The following ABL2 variants were observed in gnomAD, a reference collection of about 807,000 sequenced individuals.
ABL2 encodes the protein tyrosine-protein kinase ABL2.
A neutral mutation model predicts 107.7 loss-of-function variants in ABL2; 49 were observed. The observed-to-expected ratio is 0.45, with a 90% CI of 0.36 to 0.58. The LOEUF is 0.58. ABL2 is among the 20% of genes least tolerant of loss of function. The pLI, the probability that ABL2 is intolerant of heterozygous loss-of-function variation, is 0.00. For synonymous variants in ABL2, 549 were observed against 548.6 expected (o/e 1.00, Z -0.01); for missense variants, 1,245 against 1,457.0 (o/e 0.85, Z 2.37).
At chr1:179,112,916 G>A (rs922193444) in intron 9 of ABL2, among the ~76,000 whole-genome samples, 7 of 152,152 alleles carry the variant, frequency 4.6e-5, no homozygotes, top group South Asian at 4.1e-4. Context: ...CACCACGTCC[G>A]GCTAATTTTT....
intron 11 of ABL2, among the ~76,000 whole-genome samples, chr1:179,109,642 T>C (rs962148533): frequency 8.6e-5 from 13 of 151,230 alleles, no homozygotes; most frequent in Admixed American, 3.3e-4. Flanking sequence ...TGGGGGAAGA[T>C]AGGGGGCCGG....
chr1:179,159,509 GATAC>G (rs1156638704), intron 1 of ABL2, among the ~76,000 whole-genome samples: 1 of 152,192 alleles, frequency 6.6e-6, no homozygotes, highest in African/African-American at 2.4e-5. Flanking sequence ...GAATTTAAGA[GATAC>G]ATCTGTTTAA....
chr1:179,193,421 T>C (rs1435730898), intron 1 of ABL2, among the ~76,000 whole-genome samples: 1 of 152,150 alleles, frequency 6.6e-6, no homozygotes, highest in African/African-American at 2.4e-5. Flanking sequence ...GTTTCTTTTT[T>C]GAGACAGAGT....
intron 1 of ABL2, among the ~76,000 whole-genome samples, chr1:179,171,382 A>G (rs1354197062): frequency 6.6e-6 from 1 of 152,268 alleles, no homozygotes; most frequent in African/African-American, 2.4e-5. Flanking sequence ...AGATTTCGCT[A>G]GAACAAGTTC....
chr1:179,166,054 C>T (rs930777638), intron 1 of ABL2, among the ~76,000 whole-genome samples: 1 of 152,142 alleles, frequency 6.6e-6, no homozygotes, highest in African/African-American at 2.4e-5. Context: ...GCCTCGGCCT[C>T]CCTAAGTGCT....
At chr1:179,222,687 C>T (rs181856914) in intron 1 of ABL2, among the ~76,000 whole-genome samples, 438 of 152,124 alleles carry the variant, frequency 2.9e-3, no homozygotes, top group Non-Finnish European at 4.5e-3. Flanking sequence ...CCGCGCCTGG[C>T]CTGAAACTCA....
At chr1:179,172,175 T>G (rs991712117) in intron 1 of ABL2, among the ~76,000 whole-genome samples, 1 of 152,220 alleles carries the variant, frequency 6.6e-6, no homozygotes, top group South Asian at 2.1e-4. Context: ...AGTTGGTATA[T>G]GCTACACTTA....
intron 1 of ABL2, among the ~76,000 whole-genome samples, chr1:179,183,172 T>C (rs1337377133): frequency 2.6e-5 from 4 of 151,966 alleles, no homozygotes; most frequent in Non-Finnish European, 5.9e-5. Flanking sequence ...AAGTGGAAGC[T>C]AAATAATGTG....
rs1199265678 is a variant in ABL2 at position 179,165,798 on chromosome 1, TA to T, written c.158-32425del. On this transcript the variant is annotated intron_variant, in intron 1 of 11. Coordinates refer to ENST00000502732, the MANE Select transcript of ABL2 (RefSeq NM_007314.4). Reference sequence around the variant, plus strand: ...ATAATCCCAGCCAGACACAAGACTTTATTTTTTTTTTTTCCAGACGGAGTTT... The same window carrying T: ...ATAATCCCAGCCAGACACAAGACTTTTTTTTTTTTTTTCCAGACGGAGTTT... 6.6e-3 allele frequency among the ~76,000 whole-genome samples: 788 copies of T among 119,824 alleles called. 7 individuals carry two copies. Among genetic ancestry groups the T allele is most frequent in the African/African-American group, 0.022 (745 of 34,268 alleles). 78.6% of individuals were successfully genotyped at this position (119,824 alleles called of 152,430 possible). A position where few individuals can be genotyped will look rare whatever the true frequency, so the allele number is the denominator to read the frequency against.
In ABL2 at chr1:179,108,707, G is replaced by C. The variant is rs373189989; in HGVS notation, c.2560C>G (p.Pro854Ala). Residue 854 changes from proline (P) to alanine (A), a missense_variant, in exon 12 of 12, where the codon CCC becomes GCC. Around this residue, in one of 3 missense-constraint regions of ABL2, gnomAD observed 761 missense variants for 766.4 expected, o/e 0.99. Coordinates refer to ENST00000502732, the MANE Select transcript of ABL2 (RefSeq NM_007314.4). ...SRERPKAKLL[P>A]RGATALPLRT... ...AGAGGAAGAGCTGTGGCTCCTCTGG[G>C]CAATAACTTGGCTTTTGGTCTCTCC... The C allele has an allele frequency of 2.0e-5, 33 of 1,614,038 alleles. No individual in the cohort carries two copies. In the African/African-American group the frequency reaches 3.6e-4, roughly 18 times the overall value.
At chr1:179,140,309 TC>T (rs1402403395) in intron 1 of ABL2, among the ~76,000 whole-genome samples, 1 of 152,146 alleles carries the variant, frequency 6.6e-6, no homozygotes, top group African/African-American at 2.4e-5. Context: ...AAAACACTCT[TC>T]CCCATGACAT....
intron 1 of ABL2, chr1:179,222,033 C>A: frequency 5.1e-6 from 1 of 197,858 alleles, no homozygotes; most frequent in South Asian, 1.1e-4. Context: ...AGATGTCTGT[C>A]AATTTGGATG....
chr1:179,227,965 G>T (rs926194193), intron 1 of ABL2, among the ~76,000 whole-genome samples: 23 of 146,772 alleles, frequency 1.6e-4, no homozygotes, highest in African/African-American at 5.1e-4. Flanking sequence ...CAGGAGAATC[G>T]CTTGAACCTG....
intron 1 of ABL2, among the ~76,000 whole-genome samples, chr1:179,208,352 T>C (rs1054187022): frequency 6.6e-6 from 1 of 151,900 alleles, no homozygotes; most frequent in South Asian, 2.1e-4. Context: ...CACCTTTATG[T>C]CCATTTGTAC....
intron 1 of ABL2, among the ~76,000 whole-genome samples, chr1:179,192,653 T>G (rs1398004849): frequency 1.3e-5 from 2 of 152,212 alleles, no homozygotes. Context: ...TAATTACTTA[T>G]GTGCCAGACA....
chr1:179,114,366 TCACTGAGCCGAAATC>T (rs1654412250), intron 9 of ABL2, among the ~76,000 whole-genome samples: 4 of 19,988 alleles, frequency 2.0e-4, no homozygotes, highest in Admixed American at 3.4e-4. Flanking sequence ...CGAAATCACG[TCACTGAGCCGAAATC>T]ACGTCACTGC....
At chr1:179,125,240 A>G (rs187902189) in intron 4 of ABL2, among the ~76,000 whole-genome samples, 42 of 152,366 alleles carry the variant, frequency 2.8e-4, no homozygotes, top group Non-Finnish European at 1.9e-4. Flanking sequence ...TTTACAAAAA[A>G]AAGCAGACGG....
At chr1:179,228,397 G>A (rs1663353834) in intron 1 of ABL2, among the ~76,000 whole-genome samples, 1 of 151,962 alleles carries the variant, frequency 6.6e-6, no homozygotes, top group Non-Finnish European at 1.5e-5. Flanking sequence ...AAAAAAGTTT[G>A]GAGACAACTA....
intron 1 of ABL2, among the ~76,000 whole-genome samples, chr1:179,189,699 C>T (rs79996230): frequency 0.017 from 2,578 of 152,264 alleles, 73 homozygotes; most frequent in African/African-American, 0.058. Flanking sequence ...ATTTCTAACA[C>T]CAGATGTGTG....
Sources: allele counts gnomAD v4.1 joint callset (sites outside exome capture counted in the v4.1 genomes callset), GRCh38; gene constraint gnomAD v4.1.1; regional missense constraint gnomAD v4.1.1; transcripts MANE v1.5; gene names NCBI Gene and HGNC (gene_info 2026-07-23, HGNC 2026-07-21).